IVNS1ABP: variants seen among roughly 807,000 people sequenced by gnomAD.
The protein encoded by IVNS1ABP is influenza virus NS1A-binding protein.
A neutral mutation model predicts 78.9 loss-of-function variants in IVNS1ABP; 25 were observed. The observed-to-expected ratio is 0.32, with a 90% CI of 0.23 to 0.44. IVNS1ABP has a LOEUF of 0.44. Among genes scored for constraint, IVNS1ABP ranks in the 20% least tolerant of loss-of-function variants. The pLI is 1.00. For synonymous variants in IVNS1ABP, 241 were observed against 259.7 expected (o/e 0.93, Z 0.69); for missense variants, 494 against 768.9 (o/e 0.64, Z 4.23).
intron 5 of IVNS1ABP, among the ~76,000 whole-genome samples, chr1:185,308,424 C>A (rs554125377): frequency 6.6e-6 from 1 of 152,178 alleles, no homozygotes; most frequent in Non-Finnish European, 1.5e-5. Context: ...GTACTTTTTA[C>A]TGGCATTAAA....
At position 185,301,084 on chromosome 1, in the gene IVNS1ABP, A is replaced by C; in HGVS notation, c.1008T>G (p.Ser336Arg). The change falls in exon 10 of 15, where the codon AGT becomes AGG. Residue 336 changes from serine to arginine, a missense_variant. Transcript: ENST00000367498. ...CATCTTGTTGCATCTCAAAGCTTAA[A>C]CTCTTACTTAGTTTTGGAGTACTTG... ...SPTSTPKLSK[S>R]LSFEMQQDEL... 6.2e-7 allele frequency: 1 copy of C among 1,613,226 alleles called. No individual in the cohort carries two copies. Among genetic ancestry groups the C allele is most frequent in the Non-Finnish European group, 8.5e-7 (1 of 1,179,624 alleles).
At chr1:185,306,866 C>T (rs1162246625) in intron 7 of IVNS1ABP, 148 bp downstream of exon 7, 1 of 828,880 alleles carries the variant, frequency 1.2e-6, no homozygotes, top group African/African-American at 1.7e-5. Context: ...CACCTGGACA[C>T]CCCCCCTGTT....
chr1:185,297,776 A>G lies in IVNS1ABP; in HGVS notation c.*259T>C. 2.1e-6 allele frequency: 1 copy of G among 466,028 alleles called. No homozygotes were observed. The highest frequency in any genetic ancestry group is 3.8e-6 in the Non-Finnish European group (1 of 262,958). 28.9% of individuals were successfully genotyped at this position (466,028 alleles called of 1,614,324 possible). A position where few individuals can be genotyped will look rare whatever the true frequency, so the allele number is the denominator to read the frequency against. ...GGGACTTCTTGAAATGATGTGCCCA[A>G]TCAATTCTTGGTTTATTCTTTTCCA... On this transcript the variant is annotated 3_prime_UTR_variant, in exon 15 of 15. Coordinates refer to ENST00000367498, the MANE Select transcript of IVNS1ABP (RefSeq NM_006469.5).
chr1:185,301,525 A>G lies in IVNS1ABP; in HGVS notation c.804T>C (p.Ser268=), dbSNP rs1665599895. 1.9e-6 allele frequency: 3 copies of G among 1,613,168 alleles called. No individual in the cohort carries two copies. Among genetic ancestry groups the G allele is most frequent in the East Asian group, 2.2e-5 (1 of 44,854 alleles). ...PPRENGHKQI[S]SSSTGCLSSP... is the part of the protein sequence containing the mutation. ...AAGAGAGACATCCAGTTGAACTGCTACTTATCTGCTTATGGCCATTCTCAC... is the reference window on the plus strand; with the variant it reads ...AAGAGAGACATCCAGTTGAACTGCTGCTTATCTGCTTATGGCCATTCTCAC... Residue 268 remains serine, a synonymous_variant, in exon 9 of 15, where the codon AGT becomes AGC. Transcript: ENST00000367498.
intron 11 of IVNS1ABP, 29 bp downstream of exon 11, chr1:185,300,408 G>C: frequency 6.2e-7 from 1 of 1,613,380 alleles, no homozygotes; most frequent in Non-Finnish European, 8.5e-7. Context: ...AGCTAAATAG[G>C]GGTTGCTCCT....
In IVNS1ABP at chr1:185,301,487, G is replaced by A; in HGVS notation, c.842C>T (p.Thr281Ile). Residue 281 changes from threonine (T) to isoleucine (I), a missense_variant, in exon 9 of 15, where the codon ACA (threonine) becomes ATA (isoleucine). Transcript: ENST00000367498. Reference sequence around the variant, plus strand: ...CCACTCATGCTTAGGGCTTTGTACTGTAGCATTTGGAGAAGAGAGACATCC... The same window carrying A: ...CCACTCATGCTTAGGGCTTTGTACTATAGCATTTGGAGAAGAGAGACATCC... ...STGCLSSPNA[T>I]VQSPKHEWKI... 1 of 1,613,152 alleles carries A rather than the reference G, an allele frequency of 6.2e-7. No homozygotes were observed. Among genetic ancestry groups the A allele is most frequent in the South Asian group, 1.1e-5 (1 of 91,060 alleles).
At chr1:185,310,775 G>A (rs755142139) in intron 2 of IVNS1ABP, among the ~76,000 whole-genome samples, 20 of 151,772 alleles carry the variant, frequency 1.3e-4, no homozygotes, top group South Asian at 2.1e-4. Flanking sequence ...TTACTAGGAA[G>A]GCTGAGGCAG....
rs781088485 is a variant in IVNS1ABP, at chr1:185,311,173, G to A, written c.-97C>T. The A allele has an allele frequency of 2.3e-5, 9 of 385,712 alleles. No homozygotes were observed. The highest frequency in any genetic ancestry group is 3.7e-5 in the Non-Finnish European group (8 of 217,510). The allele number at this position is 385,712 out of a possible 1,614,324, so 23.9% of individuals were successfully genotyped here. ...AAAGGAGTGTTAAAAGGTGCACTTC[G>A]TCAGGGTATGAAGACAGGTGGTTGA... On this transcript the variant is annotated 5_prime_UTR_variant, in exon 2 of 15. The change creates a new upstream start codon in the 5' untranslated region. Transcript: ENST00000367498.
chr1:185,309,316 C>G (rs1437723218), intron 3 of IVNS1ABP, 67 bp downstream of exon 3: 1 of 1,273,344 alleles, frequency 7.9e-7, no homozygotes, highest in Non-Finnish European at 1.1e-6. Context: ...AAGAAATAAG[C>G]AAATCTAAGA....
In IVNS1ABP at chr1:185,306,865, AC is replaced by A. The variant is rs538002050; in HGVS notation, c.657+148del. 1.2e-4 allele frequency: 100 copies of A among 839,070 alleles called. No homozygotes were observed. In the Admixed American group the frequency reaches 1.6e-3, roughly 14 times the overall value. 52.0% of individuals were successfully genotyped at this position (839,070 alleles called of 1,614,324 possible). On this transcript the variant is annotated intron_variant, in intron 7 of 14. Transcript: ENST00000367498. ...AACAGTTCATTCAGCTCACCTGGAC[AC>A]CCCCCCTGTTTCTCAGCTTAGGGGT...
At chr1:185,316,449 G>A (rs1666033444) in intron 1 of IVNS1ABP, among the ~76,000 whole-genome samples, 1 of 152,150 alleles carries the variant, frequency 6.6e-6, no homozygotes, top group African/African-American at 2.4e-5. Flanking sequence ...CCCGGGGCTG[G>A]CTGCCCGCCC....
Position 185,307,143 on chromosome 1 carries a change from G to A in IVNS1ABP, c.532-4C>T. On this transcript the variant is annotated splice_polypyrimidine_tract_variant and splice_region_variant and intron_variant, in intron 6 of 14. Coordinates refer to ENST00000367498, the MANE Select transcript of IVNS1ABP (RefSeq NM_006469.5). Reference sequence around the variant, plus strand: ...TATCTTCAAGCATTACCTCCAACTAGAATTGGGAAAAACAATGACATGGAT... The same window carrying A: ...TATCTTCAAGCATTACCTCCAACTAAAATTGGGAAAAACAATGACATGGAT... 6.2e-7 allele frequency: 1 copy of A among 1,612,990 alleles called. No homozygotes were observed. The highest frequency in any genetic ancestry group is 8.5e-7 in the Non-Finnish European group (1 of 1,179,254).
intron 1 of IVNS1ABP, among the ~76,000 whole-genome samples, chr1:185,315,511 T>C (rs1665992675): frequency 6.6e-6 from 1 of 152,228 alleles, no homozygotes; most frequent in Non-Finnish European, 1.5e-5. Flanking sequence ...CTTTGGTCAG[T>C]GGCTCAAGTT....
intron 4 of IVNS1ABP, 48 bp downstream of exon 4, chr1:185,308,953 ATT>A (rs767932283): frequency 6.3e-7 from 1 of 1,583,634 alleles, no homozygotes; most frequent in Non-Finnish European, 8.6e-7. Flanking sequence ...AAGACTTGGA[ATT>A]TTCTGAAGAT....
chr1:185,299,788 T>C lies in IVNS1ABP; in HGVS notation c.1597A>G (p.Asn533Asp), dbSNP rs1474755250. 2.5e-6 allele frequency: 4 copies of C among 1,613,716 alleles called. No homozygotes were observed. Among genetic ancestry groups the C allele is most frequent in the Non-Finnish European group, 3.4e-6 (4 of 1,179,774 alleles). Residue 533 changes from asparagine (N) to aspartate (D), a missense_variant, in exon 14 of 15, where the codon AAT becomes GAT. Transcript: ENST00000367498. ...WNCLNTVERY[N>D]PENNTWTLIA... ...AAAGTCCAGGTATTATTTTCAGGAT[T>C]GTATCGTTCTACTGTGTTCAGACAA...
At chr1:185,307,256 A>T (rs1665763372) in intron 6 of IVNS1ABP, 117 bp from the exon 7 acceptor site, 7 of 1,279,016 alleles carry the variant, frequency 5.5e-6, no homozygotes, top group African/African-American at 1.5e-5. Flanking sequence ...CATTTACTCT[A>T]ATTTGTAAGG....
At chr1:185,315,631 G>C (rs1665996878) in intron 1 of IVNS1ABP, among the ~76,000 whole-genome samples, 1 of 152,146 alleles carries the variant, frequency 6.6e-6, no homozygotes, top group South Asian at 2.1e-4. Flanking sequence ...CTCACGTCCA[G>C]ACTTAACAAA....
chr1:185,312,276 A>G (rs1266924875), intron 1 of IVNS1ABP, among the ~76,000 whole-genome samples: 1 of 152,194 alleles, frequency 6.6e-6, no homozygotes, highest in Non-Finnish European at 1.5e-5. Flanking sequence ...ATCATCAATT[A>G]CTAGTGTCAA....
In IVNS1ABP at chr1:185,306,335, G is replaced by A. The variant is rs1283847551; in HGVS notation, c.657+679C>T. ...AAGGTTACTCCACTGCTCCACCTGC[G>A]TGTTTTCAATTCCCACCATTTCTCC... On this transcript the variant is annotated intron_variant, in intron 7 of 14. Coordinates refer to ENST00000367498, the MANE Select transcript of IVNS1ABP (RefSeq NM_006469.5). 12 of 527,246 alleles carry A rather than the reference G, an allele frequency of 2.3e-5. No individual in the cohort carries two copies. The East Asian group carries it at 4.6e-4, about 20-fold the overall frequency. The allele number at this position is 527,246 out of a possible 1,614,324, so 32.7% of individuals were successfully genotyped here.
Sources: gnomAD v4.1 joint callset for allele counts (sites outside exome capture counted in the v4.1 genomes callset) on GRCh38, gnomAD v4.1.1 for gene constraint, MANE v1.5 for transcripts, NCBI Gene and HGNC (gene_info 2026-07-23, HGNC 2026-07-21) for gene names.